The following ARID3B variants were observed in gnomAD, a reference collection of about 807,000 sequenced individuals.
The protein encoded by ARID3B is AT-rich interaction domain 3B.
In ARID3B, 10 loss-of-function variants were observed where a neutral mutation model predicts 51.9. The ratio of observed to expected loss-of-function variants is 0.19; its 90% CI spans 0.12 to 0.33. The LOEUF (loss-of-function observed/expected upper bound fraction) is 0.33, where lower values mean the gene tolerates loss of function less well. ARID3B is among the 10% of genes least tolerant of loss of function. The pLI, the probability that ARID3B is intolerant of heterozygous loss-of-function variation, is 1.00. For missense variants in ARID3B, 483 were observed against 716.3 expected (o/e 0.67, Z 3.72); for synonymous variants, 205 against 279.5 (o/e 0.73, Z 2.66).
In ARID3B at chr15:74,596,192, T is replaced by G; in HGVS notation, c.*418T>G. The G allele has an allele frequency of 4.1e-6, 1 of 242,564 alleles. No homozygotes were observed. The highest frequency in any genetic ancestry group is 8.0e-6 in the Non-Finnish European group (1 of 124,490). 15.0% of individuals were successfully genotyped at this position (242,564 alleles called of 1,614,324 possible). A position where few individuals can be genotyped will look rare whatever the true frequency, so the allele number is the denominator to read the frequency against. ...CCATGACCCCAGGGCCACTAGTCTC[T>G]TCCCCTGTTTTTAAGTCCCATGTGG... On this transcript the variant is annotated 3_prime_UTR_variant, in exon 9 of 9. Coordinates refer to ENST00000346246, the MANE Select transcript of ARID3B (RefSeq NM_006465.4).
intron 4 of ARID3B, among the ~76,000 whole-genome samples, chr15:74,582,325 G>A (rs975310376): frequency 2.0e-5 from 3 of 151,998 alleles, no homozygotes; most frequent in East Asian, 1.9e-4. Context: ...CTGCCACCAC[G>A]TCTGGCTAAT....
intron 2 of ARID3B, among the ~76,000 whole-genome samples, chr15:74,547,056 A>G (rs1265119193): frequency 2.0e-5 from 3 of 152,146 alleles, no homozygotes; most frequent in Admixed American, 1.3e-4. Flanking sequence ...TTGTTGTTCA[A>G]AATCTTTACT....
At position 74,567,041 on chromosome 15, in the gene ARID3B, A is replaced by G. The variant is rs1413315099; in HGVS notation, c.553-5821A>G. ...TTTTTTTTTTCAACAAAAATGGGCC[A>G]CTAAAGCAGTCTAAAACATTGATTT... On this transcript the variant is annotated intron_variant, in intron 2 of 8. Transcript: ENST00000346246. 2.6e-5 allele frequency among the ~76,000 whole-genome samples: 4 copies of G among 152,130 alleles called. No homozygotes were observed. The East Asian group carries it at 7.7e-4, about 29-fold the overall frequency.
At position 74,572,914 on chromosome 15, in the gene ARID3B, T is replaced by A. The variant is rs754558021; in HGVS notation, c.605T>A (p.Ile202Asn). 1 of 1,614,174 alleles carries A rather than the reference T, an allele frequency of 6.2e-7. No individual in the cohort carries two copies. Among genetic ancestry groups the A allele is most frequent in the East Asian group, 2.2e-5 (1 of 44,882 alleles). Residue 202 changes from isoleucine to asparagine, a missense_variant, in exon 3 of 9, where the codon ATC becomes AAC. Coordinates refer to ENST00000346246, the MANE Select transcript of ARID3B (RefSeq NM_006465.4). ...DDADGGRGREISRDFAKLYEL... is the reference protein window; with the variant it reads ...DDADGGRGRENSRDFAKLYEL... Reference sequence around the variant, plus strand: ...GCAGATGGAGGCCGGGGAAGAGAGATCTCTCGAGATTTTGCCAAGGTCTGT... The same window carrying A: ...GCAGATGGAGGCCGGGGAAGAGAGAACTCTCGAGATTTTGCCAAGGTCTGT...
At chr15:74,577,629 C>T (rs2061742746) in intron 4 of ARID3B, among the ~76,000 whole-genome samples, 1 of 152,076 alleles carries the variant, frequency 6.6e-6, no homozygotes, top group Admixed American at 6.6e-5. Flanking sequence ...TCAGGTGATC[C>T]TCCCACCTCA....
intron 2 of ARID3B, among the ~76,000 whole-genome samples, chr15:74,546,258 A>G (rs1415053319): frequency 1.3e-5 from 2 of 152,144 alleles, no homozygotes. Context: ...CTGCCCCCGC[A>G]CTGCTGTGTG....
chr15:74,568,664 G>C (rs960389110), intron 2 of ARID3B, among the ~76,000 whole-genome samples: 1 of 152,126 alleles, frequency 6.6e-6, no homozygotes, highest in Non-Finnish European at 1.5e-5. Context: ...TGTAGGTATA[G>C]TAGCCAAAGC....
At chr15:74,589,251 G>C (rs749519535) in intron 4 of ARID3B, among the ~76,000 whole-genome samples, 21 of 151,656 alleles carry the variant, frequency 1.4e-4, no homozygotes, top group South Asian at 1.0e-3. Context: ...GGATGGTCTC[G>C]ATCTCCTGAC....
chr15:74,581,019 G>A (rs1371626489), intron 4 of ARID3B, among the ~76,000 whole-genome samples: 3 of 152,200 alleles, frequency 2.0e-5, no homozygotes. Context: ...AGGCAGGATG[G>A]GGTAGGGCTT....
At chr15:74,541,759 G>T (rs1056706283) in intron 1 of ARID3B, among the ~76,000 whole-genome samples, 7 of 152,120 alleles carry the variant, frequency 4.6e-5, no homozygotes, top group African/African-American at 1.7e-4. Context: ...AAAAGAATCC[G>T]GCAGCAAAAG....
At position 74,549,563 on chromosome 15, in the gene ARID3B, G is replaced by GT. The variant is rs1393455118; in HGVS notation, c.552+5076dup. On this transcript the variant is annotated intron_variant, in intron 2 of 8. Coordinates refer to ENST00000346246, the MANE Select transcript of ARID3B (RefSeq NM_006465.4). ...AGTTTGGATGACAGAGTGAGATGGT[G>GT]TAAAAAAAAAAAAAAAGGGAAAAAG... 1.6e-4 allele frequency among the ~76,000 whole-genome samples: 23 copies of GT among 144,710 alleles called. 1 individual carries two copies. The South Asian group carries it at 4.8e-3, about 30-fold the overall frequency. 94.9% of individuals were successfully genotyped at this position (144,710 alleles called of 152,430 possible).
intron 1 of ARID3B, among the ~76,000 whole-genome samples, chr15:74,543,642 C>T (rs186969466): frequency 1.2e-3 from 189 of 152,120 alleles, no homozygotes; most frequent in African/African-American, 4.3e-3. Flanking sequence ...AAATTCATTC[C>T]CTATTTCCCC....
chr15:74,589,677 C>T (rs2061796101), intron 4 of ARID3B, 143 bp from the exon 5 acceptor site: 1 of 844,606 alleles, frequency 1.2e-6, no homozygotes, highest in Non-Finnish European at 1.8e-6. Flanking sequence ...TCTGAGTGTT[C>T]AGGCTTGGGG....
At chr15:74,560,031 T>TAAAAAAAAAAAAAAAAAATAAA (rs71137394) in intron 2 of ARID3B, among the ~76,000 whole-genome samples, 3 of 35,640 alleles carry the variant, frequency 8.4e-5, no homozygotes, top group African/African-American at 4.1e-4. Flanking sequence ...CTGTCTCTAC[T>TAAAAAAAAAAAAAAAAAATAAA]AAAAAAAAAA....
intron 2 of ARID3B, among the ~76,000 whole-genome samples, chr15:74,544,873 G>A (rs1168436076): frequency 6.6e-6 from 1 of 151,788 alleles, no homozygotes; most frequent in African/African-American, 2.4e-5. Flanking sequence ...TGCATTTTTA[G>A]CAGAGACGGG....
chr15:74,555,137 A>G (rs1267249131), intron 2 of ARID3B, among the ~76,000 whole-genome samples: 1 of 152,216 alleles, frequency 6.6e-6, no homozygotes, highest in Admixed American at 6.5e-5. Context: ...AATTAAAATT[A>G]AAGTAATACT....
Position 74,591,952 on chromosome 15 carries a change from C to A in ARID3B, c.1420+138C>A. The A allele has an allele frequency of 1.5e-6, 2 of 1,372,940 alleles. No homozygotes were observed. Among genetic ancestry groups the A allele is most frequent in the Non-Finnish European group, 2.0e-6 (2 of 1,020,708 alleles). 85.0% of individuals were successfully genotyped at this position (1,372,940 alleles called of 1,614,324 possible). A position where few individuals can be genotyped will look rare whatever the true frequency, so the allele number is the denominator to read the frequency against. On this transcript the variant is annotated intron_variant, in intron 7 of 8. Transcript: ENST00000346246. The surrounding 1 kb of genome is among the most constrained non-coding windows in gnomAD (Gnocchi z 5.8). ...GCCCCTCCAGGTTCTGCCTTCCAGG[C>A]CCCTAGAAGAGAGGCACTGAGATCT...
In ARID3B at chr15:74,541,320, G is replaced by GC. The variant is rs1416136265; in HGVS notation, c.-84dup. ...CCTCCGCCGCCCGAAAACCCGGAGT[G>GC]CCCCGCACAGGTAAGTGGCCCGGGT... On this transcript the variant is annotated 5_prime_UTR_variant, in exon 1 of 9. Transcript: ENST00000346246. The GC allele has an allele frequency of 1.3e-5, 2 of 152,350 alleles. No individual in the cohort carries two copies. Among genetic ancestry groups the GC allele is most frequent in the Non-Finnish European group, 2.9e-5 (2 of 68,146 alleles). The allele number at this position is 152,350 out of a possible 1,614,324, so 9.4% of individuals were successfully genotyped here. A position where few individuals can be genotyped will look rare whatever the true frequency, so the allele number is the denominator to read the frequency against.
intron 3 of ARID3B, 23 bp downstream of exon 3, chr15:74,572,956 T>C (rs1213052151): frequency 1.2e-6 from 2 of 1,613,436 alleles, no homozygotes; most frequent in Admixed American, 1.7e-5. Flanking sequence ...TCCTTTGTGA[T>C]ACAGATAGGG....
Sources: gnomAD v4.1 joint callset for allele counts (sites outside exome capture counted in the v4.1 genomes callset) on GRCh38, gnomAD v4.1.1 for gene constraint, Gnocchi (gnomAD v3.1) non-coding constraint, MANE v1.5 for transcripts, NCBI Gene and HGNC (gene_info 2026-07-23, HGNC 2026-07-21) for gene names.